Variants in MAGEC3 observed in about 807,000 individuals in gnomAD.
The protein encoded by MAGEC3 is melanoma-associated antigen C3.
A neutral mutation model predicts 35.3 loss-of-function variants in MAGEC3; 34 were observed. The ratio of observed to expected loss-of-function variants is 0.96; its 90% CI spans 0.73 to 1.28. The LOEUF is 1.28. MAGEC3 is among the 50% of genes most tolerant of loss of function. The probability of loss-of-function intolerance (pLI) is 0.00; values close to 1 mark genes in which losing one functional copy is unlikely to be tolerated. For synonymous variants in MAGEC3, 202 were observed against 185.6 expected (o/e 1.09, Z -0.72); for missense variants, 561 against 483.6 (o/e 1.16, Z -1.50).
intron 1 of MAGEC3, chrX:141,839,991 G>T (rs945028099): frequency 5.5e-5 from 41 of 748,253 alleles, no homozygotes; most frequent in Admixed American, 8.8e-5. Flanking sequence ...AACATAATTT[G>T]CTCAGAACTC....
rs370023395 is a variant in MAGEC3, at chrX:141,887,287, C to T, written c.909+5491C>T. Among the ~76,000 whole-genome samples, 6 of 112,324 alleles carry T rather than the reference C, an allele frequency of 5.3e-5. No individual in the cohort carries two copies. In the East Asian group the frequency reaches 8.4e-4, roughly 16 times the overall value. ...TAATCTTATTAGGAGAGACCTTGAT[C>T]GATTTTCCCTTACACAAGATCACTG... On this transcript the variant is annotated intron_variant, in intron 4 of 7. Coordinates refer to ENST00000298296, the MANE Select transcript of MAGEC3 (RefSeq NM_138702.1).
At chrX:141,839,489 G>A in intron 1 of MAGEC3, 2 of 754,041 alleles carry the variant, frequency 2.7e-6, no homozygotes, top group Non-Finnish European at 3.1e-6. Flanking sequence ...TATATCTTGA[G>A]GTCAAATTGA....
chrX:141,850,612 A>G (rs972056447), intron 1 of MAGEC3, among the ~76,000 whole-genome samples: 10 of 111,084 alleles, frequency 9.0e-5, no homozygotes, highest in African/African-American at 3.3e-4. Context: ...AAAGTTCACT[A>G]ATTTAAGTAT....
Position 141,865,611 on chromosome X carries a change from G to T in MAGEC3, c.258+6G>T, listed in dbSNP as rs775456878. Reference sequence around the variant, plus strand: ...TCTGCCCCACATACTTCAAGGTAAGGACTCTAAGGAAAGACTGAGGGGACC... The same window carrying T: ...TCTGCCCCACATACTTCAAGGTAAGTACTCTAAGGAAAGACTGAGGGGACC... On this transcript the variant is annotated splice_donor_region_variant and intron_variant, in intron 2 of 7. Coordinates refer to ENST00000298296, the MANE Select transcript of MAGEC3 (RefSeq NM_138702.1). 1.3e-5 allele frequency: 15 copies of T among 1,197,600 alleles called. No individual in the cohort carries two copies. Among genetic ancestry groups the T allele is most frequent in the Non-Finnish European group, 1.5e-5 (13 of 888,075 alleles).
At chrX:141,894,571 G>T (rs1006355125) in intron 4 of MAGEC3, 16 of 832,472 alleles carry the variant, frequency 1.9e-5, no homozygotes, top group Non-Finnish European at 2.2e-5. Context: ...ACAGGAGAAG[G>T]GGGGAGTGCC....
At chrX:141,874,663 A>T (rs2017908924) in intron 2 of MAGEC3, among the ~76,000 whole-genome samples, 1 of 111,481 alleles carries the variant, frequency 9.0e-6, no homozygotes, top group African/African-American at 3.3e-5. Context: ...CATCTTTTAG[A>T]GTGGCTAAAA....
intron 4 of MAGEC3, among the ~76,000 whole-genome samples, chrX:141,887,339 G>A (rs760433939): frequency 8.9e-6 from 1 of 112,184 alleles, no homozygotes; most frequent in South Asian, 3.7e-4. Flanking sequence ...ACATTATGCC[G>A]ATTGGATCCA....
chrX:141,871,710 C>A (rs1334113132), intron 2 of MAGEC3, among the ~76,000 whole-genome samples: 1 of 111,691 alleles, frequency 9.0e-6, no homozygotes, highest in Non-Finnish European at 1.9e-5. Context: ...GAGAAAGAAT[C>A]CAGATGCTGT....
intron 1 of MAGEC3, among the ~76,000 whole-genome samples, chrX:141,864,662 A>T (rs754173367): frequency 2.8e-4 from 31 of 111,620 alleles, no homozygotes; most frequent in African/African-American, 9.4e-4. Flanking sequence ...ATCAGGAAAA[A>T]TAACTAATGG....
At chrX:141,843,597 G>C (rs2017698847) in intron 1 of MAGEC3, among the ~76,000 whole-genome samples, 1 of 110,434 alleles carries the variant, frequency 9.1e-6, no homozygotes, top group Non-Finnish European at 1.9e-5. Context: ...TCCTCAAGCA[G>C]GTATACAACT....
chrX:141,849,889 T>C (rs780167691), intron 1 of MAGEC3, among the ~76,000 whole-genome samples: 2 of 111,371 alleles, frequency 1.8e-5, no homozygotes, highest in Non-Finnish European at 3.8e-5. Context: ...CTCAAAGGAA[T>C]AGAAATTATT....
At chrX:141,869,979 T>TGTTTGATTTGTGACAGA (rs2017877301) in intron 2 of MAGEC3, among the ~76,000 whole-genome samples, 6 of 111,318 alleles carry the variant, frequency 5.4e-5, no homozygotes, top group African/African-American at 1.6e-4. Context: ...TTCCAGATGC[T>TGTTTGATTTGTGACAGA]TCAGGGGCCC....
At chrX:141,868,238 A>AT (rs1480641101) in intron 2 of MAGEC3, among the ~76,000 whole-genome samples, 4 of 111,681 alleles carry the variant, frequency 3.6e-5, no homozygotes, top group Non-Finnish European at 7.5e-5. Context: ...TCAGCTTAAG[A>AT]TTTTTTATTT....
intron 3 of MAGEC3, 40 bp from the exon 4 acceptor site, chrX:141,881,363 C>A (rs1465280539): frequency 8.6e-7 from 1 of 1,166,778 alleles, no homozygotes; most frequent in African/African-American, 1.8e-5. Flanking sequence ...AATGAAGAGC[C>A]TAGCAGCCAA....
intron 4 of MAGEC3, among the ~76,000 whole-genome samples, chrX:141,888,579 A>G (rs2092240682): frequency 1.8e-5 from 2 of 112,408 alleles, no homozygotes. Flanking sequence ...TGACCTCAGC[A>G]GAGGAGCATG....
Position 141,881,813 on chromosome X carries a change from A to C in MAGEC3, c.909+17A>C. ...GCAATAGGGGTGTGTGCTCAGAGGG[A>C]GCATTTCGTCTATCGGGAGCCCAGG... On this transcript the variant is annotated intron_variant, in intron 4 of 7. Coordinates refer to ENST00000298296, the MANE Select transcript of MAGEC3 (RefSeq NM_138702.1). 3 of 1,210,675 alleles carry C rather than the reference A, an allele frequency of 2.5e-6. No homozygotes were observed. The highest frequency in any genetic ancestry group is 3.4e-6 in the Non-Finnish European group (3 of 895,051).
At chrX:141,883,415 A>C (rs2017980182) in intron 4 of MAGEC3, among the ~76,000 whole-genome samples, 1 of 112,178 alleles carries the variant, frequency 8.9e-6, no homozygotes, top group African/African-American at 3.2e-5. Context: ...ATTCAAATTC[A>C]GCACTTTGAT....
At chrX:141,880,061 T>C (rs912551052) in intron 3 of MAGEC3, among the ~76,000 whole-genome samples, 4 of 109,971 alleles carry the variant, frequency 3.6e-5, no homozygotes, top group African/African-American at 1.4e-4. Context: ...AGCCCTCTCA[T>C]TGCTGGGTGA....
intron 2 of MAGEC3, among the ~76,000 whole-genome samples, chrX:141,867,940 G>A (rs1603064504): frequency 9.0e-6 from 1 of 111,588 alleles, no homozygotes; most frequent in South Asian, 3.8e-4. Context: ...GGCTAACACG[G>A]TGAAACCAAA....
Sources: gnomAD v4.1 joint callset for allele counts (sites outside exome capture counted in the v4.1 genomes callset) on GRCh38, gnomAD v4.1.1 for gene constraint, MANE v1.5 for transcripts, NCBI Gene and HGNC (gene_info 2026-07-23, HGNC 2026-07-21) for gene names.